NTRK1: variants seen among roughly 807,000 people sequenced by gnomAD.
NTRK1 encodes high affinity nerve growth factor receptor.
A neutral mutation model predicts 86.8 loss-of-function variants in NTRK1; 62 were observed. The ratio of observed to expected loss-of-function variants is 0.71; its 90% CI spans 0.58 to 0.88. The LOEUF (loss-of-function observed/expected upper bound fraction) is 0.88, where lower values mean the gene tolerates loss of function less well. NTRK1 is among the 40% of genes least tolerant of loss of function. The pLI, the probability that NTRK1 is intolerant of heterozygous loss-of-function variation, is 0.00. For synonymous variants in NTRK1, 469 were observed against 456.6 expected (o/e 1.03, Z -0.35); for missense variants, 967 against 1,078.4 (o/e 0.90, Z 1.45).
At chr1:156,845,294 T>A (rs750260333) in intron 2 of NTRK1, 1 of 1,612,672 alleles carries the variant, frequency 6.2e-7, no homozygotes, top group Non-Finnish European at 8.5e-7. Context: ...CCGCCCTGAG[T>A]CCCTGGGGAG....
Position 156,816,045 on chromosome 1 carries a change from G to A in NTRK1, c.-64+207G>A, listed in dbSNP as rs146503193. The A allele has an allele frequency of 1.2e-4, 186 of 1,613,974 alleles. No homozygotes were observed. The highest frequency in any genetic ancestry group is 1.3e-4 in the Non-Finnish European group (155 of 1,179,974). On this transcript the variant is annotated intron_variant, in intron 1 of 16. Transcript: ENST00000392302. ...GGTTCTGGCAGCTCCTGCGGGTCAT[G>A]TCTGTGATCTGGAAGGTGCTGAAGG...
chr1:156,837,163 T>C (rs1328710392), intron 1 of NTRK1: 1 of 152,290 alleles, frequency 6.6e-6, no homozygotes. Flanking sequence ...CCTTCCCATC[T>C]GACCGTGCAT....
intron 1 of NTRK1, among the ~76,000 whole-genome samples, chr1:156,832,165 G>C (rs979360162): frequency 7.2e-5 from 11 of 152,216 alleles, no homozygotes; most frequent in Admixed American, 6.5e-4. Flanking sequence ...GTTGAACCAA[G>C]ATTCAGTTCA....
upstream of NTRK1, among the ~76,000 whole-genome samples, chr1:156,858,296 G>A (rs981945317): frequency 2.6e-5 from 4 of 152,170 alleles, no homozygotes; most frequent in African/African-American, 2.4e-5. Context: ...TAGTAGGGAC[G>A]GAAGATATCT....
chr1:156,828,499 G>A (rs1654381700), intron 1 of NTRK1, among the ~76,000 whole-genome samples: 1 of 152,208 alleles, frequency 6.6e-6, no homozygotes. Flanking sequence ...CCTCTTCCAC[G>A]CTCCCTGCTG....
intron 1 of NTRK1, among the ~76,000 whole-genome samples, chr1:156,836,700 G>A (rs1279596219): frequency 6.6e-6 from 1 of 152,040 alleles, no homozygotes; most frequent in Non-Finnish European, 1.5e-5. Context: ...AGTCGGGGAG[G>A]CCAAACCATT....
chr1:156,879,059 CT>C (rs2102923723), intron 14 of NTRK1, 62 bp from the exon 15 acceptor site: 2 of 1,599,460 alleles, frequency 1.3e-6, no homozygotes, highest in African/African-American at 2.7e-5. Flanking sequence ...TGGGGATCGC[CT>C]TCCTCAGGCT....
intron 1 of NTRK1, among the ~76,000 whole-genome samples, chr1:156,834,815 AC>A (rs994367563): frequency 7.2e-4 from 69 of 96,236 alleles, no homozygotes; most frequent in African/African-American, 1.8e-3. Flanking sequence ...GGCCGGGGAG[AC>A]GGGGGGTTGT....
At chr1:156,865,491 C>T (rs1488700090) in intron 3 of NTRK1, among the ~76,000 whole-genome samples, 2 of 152,218 alleles carry the variant, frequency 1.3e-5, no homozygotes, top group East Asian at 1.9e-4. Flanking sequence ...CGGTAATGCT[C>T]ACTCACCGCT....
chr1:156,875,238 T>C (rs1019696962), intron 11 of NTRK1, among the ~76,000 whole-genome samples: 12 of 151,584 alleles, frequency 7.9e-5, no homozygotes, highest in Non-Finnish European at 1.8e-4. Context: ...AGCTGCTAAT[T>C]GGTGGCTGGA....
Position 156,852,054 on chromosome 1 carries a change from G to A in NTRK1, c.50+9861G>A, listed in dbSNP as rs148794008. On this transcript the variant is annotated intron_variant, in intron 2 of 16. Coordinates refer to the NTRK1 transcript ENST00000392302. ...TAGGTGCCTGGCGGGCAGGCCCACA[G>A]GCAGGCACCCTGGAAGTAGAGGTGG... is the stretch of plus-strand genomic sequence containing the variant. 1.2e-4 allele frequency: 194 copies of A among 1,613,516 alleles called. No individual in the cohort carries two copies. Among genetic ancestry groups the A allele is most frequent in the Admixed American group, 2.5e-4 (15 of 59,996 alleles).
upstream of NTRK1, chr1:156,858,486 C>T (rs1395710537): frequency 4.7e-6 from 7 of 1,486,396 alleles, no homozygotes; most frequent in Middle Eastern, 3.4e-4. Flanking sequence ...TTTGGCCTCC[C>T]AGCTGGCTGG....
At chr1:156,868,415 A>G (rs1044330072) in intron 5 of NTRK1, 90 bp from the exon 6 acceptor site, 1 of 1,541,598 alleles carries the variant, frequency 6.5e-7, no homozygotes, top group Middle Eastern at 2.3e-4. Flanking sequence ...GTCATTGAGG[A>G]GGGTGGGGGA....
At chr1:156,870,288 C>G (rs1028767998) in intron 6 of NTRK1, among the ~76,000 whole-genome samples, 1 of 152,194 alleles carries the variant, frequency 6.6e-6, no homozygotes, top group Non-Finnish European at 1.5e-5. Flanking sequence ...TGGCCCATAC[C>G]TGTAATCCCA....
intron 7 of NTRK1, 80 bp from the exon 8 acceptor site, chr1:156,873,553 G>A: frequency 8.1e-7 from 1 of 1,234,274 alleles, no homozygotes; most frequent in Middle Eastern, 2.6e-4. Flanking sequence ...TACTCGCTTT[G>A]CCCGTGGACT....
rs111438859 is a variant in NTRK1 at position 156,869,271 on chromosome 1, G to T, written c.717+624G>T. On this transcript the variant is annotated intron_variant, in intron 6 of 16. Coordinates refer to ENST00000524377, the MANE Select transcript of NTRK1 (RefSeq NM_002529.4). ...ATTTTTGTATTTTTAGTAGAGACAG[G>T]GTTTCACTACGTTGGCCACGCTGGT... Among the ~76,000 whole-genome samples, 257 of 152,196 alleles carry T rather than the reference G, an allele frequency of 1.7e-3. 1 individual carries two copies. Among genetic ancestry groups the T allele is most frequent in the African/African-American group, 5.8e-3 (241 of 41,500 alleles).
rs1653991080 is a variant in NTRK1 at position 156,816,788 on chromosome 1, T to C, written c.-64+950T>C. 3.8e-6 allele frequency: 5 copies of C among 1,332,030 alleles called. No homozygotes were observed. The South Asian group carries it at 7.9e-5, about 21-fold the overall frequency. 82.5% of individuals were successfully genotyped at this position (1,332,030 alleles called of 1,614,324 possible). A position where few individuals can be genotyped will look rare whatever the true frequency, so the allele number is the denominator to read the frequency against. On this transcript the variant is annotated intron_variant, in intron 1 of 16. Coordinates refer to the NTRK1 transcript ENST00000392302. ...GGTGTGCACACTCAGCAACTCATCA[T>C]CTCTCCTCTCACCCTGGCCCCGGGG...
intron 14 of NTRK1, among the ~76,000 whole-genome samples, chr1:156,877,351 T>C (rs1353264192): frequency 6.6e-6 from 1 of 152,288 alleles, no homozygotes; most frequent in African/African-American, 2.4e-5. Flanking sequence ...ACAACTCTGA[T>C]ACATTTATCT....
intron 6 of NTRK1, among the ~76,000 whole-genome samples, chr1:156,871,292 C>T (rs1217432103): frequency 2.6e-5 from 4 of 152,150 alleles, no homozygotes; most frequent in Admixed American, 2.0e-4. Flanking sequence ...CAGTGGCTCA[C>T]GCCTGTAATC....
Sources: gnomAD v4.1 joint callset for allele counts (sites outside exome capture counted in the v4.1 genomes callset) on GRCh38, gnomAD v4.1.1 for gene constraint, MANE v1.5 for transcripts, NCBI Gene and HGNC (gene_info 2026-07-23, HGNC 2026-07-21) for gene names.